The following AVL9 variants were observed in gnomAD, a reference collection of about 807,000 sequenced individuals.
AVL9 encodes the protein AVL9 cell migration associated.
A neutral mutation model predicts 79.2 loss-of-function variants in AVL9; 49 were observed. The ratio of observed to expected loss-of-function variants is 0.62; its 90% CI spans 0.49 to 0.79. The LOEUF is 0.79. Ranked by LOEUF, AVL9 falls within the 30% of genes least tolerant of loss-of-function variation. The pLI is 0.00. For synonymous variants in AVL9, 299 were observed against 280.6 expected (o/e 1.07, Z -0.65); for missense variants, 682 against 776.8 (o/e 0.88, Z 1.45).
chr7:32,573,851 C>T (rs1237278310), intron 12 of AVL9, among the ~76,000 whole-genome samples: 2 of 152,130 alleles, frequency 1.3e-5, no homozygotes, highest in Admixed American at 6.5e-5. Flanking sequence ...AAATAGAAAT[C>T]ATTGAAAATC....
chr7:32,496,044 T>TA (rs1312883436), intron 1 of AVL9, among the ~76,000 whole-genome samples: 1 of 151,974 alleles, frequency 6.6e-6, no homozygotes, highest in African/African-American at 2.4e-5. Context: ...AGCTGGTTGA[T>TA]ACGTGTAGGT....
intron 1 of AVL9, among the ~76,000 whole-genome samples, chr7:32,514,026 G>A (rs1250244538): frequency 6.6e-6 from 1 of 152,162 alleles, no homozygotes; most frequent in African/African-American, 2.4e-5. Flanking sequence ...GCCATAAGGC[G>A]GTTTTCTCCT....
chr7:32,545,819 T>G (rs1489070940), intron 3 of AVL9, among the ~76,000 whole-genome samples: 1 of 152,176 alleles, frequency 6.6e-6, no homozygotes, highest in African/African-American at 2.4e-5. Context: ...AAAAAGCTCT[T>G]TCCTCTCAAA....
At chr7:32,501,895 A>C (rs973464917) in intron 1 of AVL9, among the ~76,000 whole-genome samples, 2 of 152,188 alleles carry the variant, frequency 1.3e-5, no homozygotes, top group African/African-American at 4.8e-5. Flanking sequence ...AGATGCAGAC[A>C]CATAGGGAGA....
At chr7:32,568,218 T>TTTTA (rs1790670893) in intron 10 of AVL9, among the ~76,000 whole-genome samples, 2 of 150,900 alleles carry the variant, frequency 1.3e-5, no homozygotes, top group Non-Finnish European at 1.5e-5. Context: ...TTTTTTTTTT[T>TTTTA]GAGATGGAGT....
chr7:32,531,195 T>G (rs1788631248), intron 1 of AVL9, among the ~76,000 whole-genome samples: 2 of 152,158 alleles, frequency 1.3e-5, no homozygotes, highest in African/African-American at 2.4e-5. Flanking sequence ...TAACGCATTT[T>G]TTGGCTACTT....
At chr7:32,575,128 C>T (rs879753425) in intron 12 of AVL9, among the ~76,000 whole-genome samples, 2 of 145,478 alleles carry the variant, frequency 1.4e-5, no homozygotes, top group Non-Finnish European at 3.0e-5. Flanking sequence ...GACAGAGTCT[C>T]GCTCTTGTTG....
intron 1 of AVL9, among the ~76,000 whole-genome samples, chr7:32,527,206 C>T (rs556948203): frequency 1.5e-4 from 23 of 152,238 alleles, no homozygotes; most frequent in African/African-American, 5.1e-4. Flanking sequence ...ACCTTTCTAT[C>T]CACTTCAGCC....
intron 1 of AVL9, among the ~76,000 whole-genome samples, chr7:32,510,749 G>A (rs1787632993): frequency 9.2e-6 from 1 of 109,158 alleles, no homozygotes; most frequent in Non-Finnish European, 2.0e-5. Context: ...ATCTCCCCAG[G>A]GTAAGATTTG....
intron 10 of AVL9, among the ~76,000 whole-genome samples, chr7:32,566,288 C>T (rs1416990541): frequency 6.8e-6 from 1 of 146,202 alleles, no homozygotes; most frequent in African/African-American, 2.5e-5. Flanking sequence ...GCGATCCTCC[C>T]ACCACAGCCT....
chr7:32,524,602 C>T (rs375647073), intron 1 of AVL9, among the ~76,000 whole-genome samples: 2 of 100,154 alleles, frequency 2.0e-5, no homozygotes, highest in East Asian at 5.2e-4. Context: ...AGGGATGTTT[C>T]CCCTATCTAG....
intron 3 of AVL9, 123 bp from the exon 4 acceptor site, chr7:32,548,724 A>G (rs1789653731): frequency 4.7e-6 from 3 of 632,760 alleles, no homozygotes; most frequent in Admixed American, 3.7e-5. Flanking sequence ...TTAATAAAAA[A>G]CTTTTTGAAT....
At chr7:32,542,385 CAAAAAAAAAA>C (rs567774011) in intron 1 of AVL9, among the ~76,000 whole-genome samples, 1 of 90,618 alleles carries the variant, frequency 1.1e-5, no homozygotes, top group Non-Finnish European at 2.4e-5. Flanking sequence ...AGTAAAAATA[CAAAAAAAAAA>C]AAAAAAAAAA....
rs554118028 is a variant in AVL9, at chr7:32,573,365, G to A, written c.1517G>A (p.Arg506Gln). ...TGWEGGDEWI[R>Q]AQFAVYIHAL... ...TGGGAGGGAGGTGACGAATGGATCC[G>A]GGCCCAGTTTGCGGTCTACATTCAT... The change falls in exon 12 of 16, where the codon CGG becomes CAG. Residue 506 changes from arginine (R) to glutamine (Q), a missense_variant. Physicochemically the swap from Arg to Gln is conservative, Grantham distance 43 (BLOSUM62 1). Transcript: ENST00000318709. The A allele has an allele frequency of 1.1e-5, 17 of 1,613,480 alleles. No individual in the cohort carries two copies. Among genetic ancestry groups the A allele is most frequent in the South Asian group, 7.7e-5 (7 of 91,058 alleles).
intron 1 of AVL9, among the ~76,000 whole-genome samples, chr7:32,499,425 TC>T (rs1156817842): frequency 6.6e-6 from 1 of 152,124 alleles, no homozygotes; most frequent in Non-Finnish European, 1.5e-5. Flanking sequence ...TAGGTTATTT[TC>T]CAAAGTGATG....
chr7:32,498,699 T>G (rs1786977499), intron 1 of AVL9, among the ~76,000 whole-genome samples: 1 of 151,854 alleles, frequency 6.6e-6, no homozygotes, highest in South Asian at 2.1e-4. Context: ...TTTTCTAGTT[T>G]ACTGATATAC....
At chr7:32,533,376 G>A (rs1296969118) in intron 1 of AVL9, 1 of 152,176 alleles carries the variant, frequency 6.6e-6, no homozygotes, top group East Asian at 1.9e-4. Context: ...TACCTCTGCA[G>A]TATACACTTT....
chr7:32,568,645 C>T (rs184750400), intron 10 of AVL9, among the ~76,000 whole-genome samples: 308 of 152,262 alleles, frequency 2.0e-3, no homozygotes, highest in Middle Eastern at 3.4e-3. Flanking sequence ...TATAATATCA[C>T]ATATGATATA....
At position 32,566,180 on chromosome 7, in the gene AVL9, A is replaced by ATCT. The variant is rs70992731; in HGVS notation, c.1216-3839_1216-3838insCTT. ...TAAAAAAATTTTAATTATTATTATTATTTTTTTTTTTTGGAGACAAGGTCT... is the reference window on the plus strand; with the variant it reads ...TAAAAAAATTTTAATTATTATTATTATCTTTTTTTTTTTTTGGAGACAAGGTCT... On this transcript the variant is annotated intron_variant, in intron 10 of 15. Coordinates refer to ENST00000318709, the MANE Select transcript of AVL9 (RefSeq NM_015060.3). 2.1e-4 allele frequency among the ~76,000 whole-genome samples: 20 copies of ATCT among 93,874 alleles called. 1 individual carries two copies. Among genetic ancestry groups the ATCT allele is most frequent in the South Asian group, 7.8e-4 (2 of 2,566 alleles). 61.6% of individuals were successfully genotyped at this position (93,874 alleles called of 152,430 possible). A position where few individuals can be genotyped will look rare whatever the true frequency, so the allele number is the denominator to read the frequency against.
Sources: gnomAD v4.1 joint callset for allele counts (sites outside exome capture counted in the v4.1 genomes callset) on GRCh38, gnomAD v4.1.1 for gene constraint, MANE v1.5 for transcripts, NCBI Gene and HGNC (gene_info 2026-07-23, HGNC 2026-07-21) for gene names.